The following MYH10 variants were observed in gnomAD, a reference collection of about 807,000 sequenced individuals.
MYH10 encodes myosin heavy chain 10.
A neutral mutation model predicts 257.8 loss-of-function variants in MYH10; 55 were observed. The ratio of observed to expected loss-of-function variants is 0.21; its 90% CI spans 0.17 to 0.27. MYH10 has a LOEUF of 0.27. Among genes scored for constraint, MYH10 ranks in the 10% least tolerant of loss-of-function variants. MYH10 has a pLI of 1.00. For missense variants in MYH10, 1,631 were observed against 2,500.6 expected, an observed-to-expected ratio of 0.65 and a Z score of 7.42; for synonymous variants, 854 against 921.7, an observed-to-expected ratio of 0.93 and a Z score of 1.33.
chr17:8,619,575 C>T (rs1207297477), intron 2 of MYH10, among the ~76,000 whole-genome samples: 2 of 152,002 alleles, frequency 1.3e-5, no homozygotes, highest in African/African-American at 4.8e-5. Flanking sequence ...CCAACAACAA[C>T]AAAAGACACA....
chr17:8,526,974 T>G (rs904584801), intron 17 of MYH10, among the ~76,000 whole-genome samples: 2 of 152,228 alleles, frequency 1.3e-5, no homozygotes, highest in Non-Finnish European at 2.9e-5. Context: ...ATGAAAGGTA[T>G]CCAGTGCCCA....
intron 1 of MYH10, among the ~76,000 whole-genome samples, chr17:8,626,626 T>TA (rs1032677034): frequency 2.8e-5 from 4 of 145,000 alleles, no homozygotes; most frequent in Admixed American, 6.9e-5. Context: ...ATAAAAAATT[T>TA]AAAAAAAAAG....
At position 8,518,941 on chromosome 17, in the gene MYH10, G is replaced by A. The variant is rs771755439; in HGVS notation, c.2283C>T (p.Ile761=). 4 of 1,601,642 alleles carry A rather than the reference G, an allele frequency of 2.5e-6. No homozygotes were observed. In the East Asian group the frequency reaches 6.7e-5, roughly 27 times the overall value. The change falls in exon 20 of 43, where the codon ATC becomes ATT. Residue 761 remains isoleucine, a synonymous_variant. Coordinates refer to ENST00000360416, the MANE Select transcript of MYH10 (RefSeq NM_001256012.3). The stretch of plus-strand genomic sequence containing the variant: ...CTTTAGGAATAGCATTTGGAGTTAG[G>A]ATCTCATATCTGTAAGAGAATATTC... The part of the protein sequence containing the change: ...VFQEFRQRYE[I]LTPNAIPKGF...
At chr17:8,551,998 AAG>A in intron 9 of MYH10, 46 bp downstream of exon 9, 1 of 1,080,392 alleles carries the variant, frequency 9.3e-7, no homozygotes, top group Non-Finnish European at 1.3e-6. Flanking sequence ...AAAAAATTAA[AAG>A]AGATATTCCA....
intron 4 of MYH10, among the ~76,000 whole-genome samples, chr17:8,584,744 GCTTT>G (rs1392054901): frequency 1.3e-5 from 2 of 152,240 alleles, no homozygotes; most frequent in Non-Finnish European, 2.9e-5. Flanking sequence ...ACATAAAAAG[GCTTT>G]CTTTCTCAAA....
intron 3 of MYH10, among the ~76,000 whole-genome samples, chr17:8,594,256 T>C (rs1227405641): frequency 6.6e-6 from 1 of 151,916 alleles, no homozygotes; most frequent in Non-Finnish European, 1.5e-5. Flanking sequence ...AATTGAAAAA[T>C]CAGAAAACTA....
intron 21 of MYH10, among the ~76,000 whole-genome samples, chr17:8,516,113 C>T (rs1041048925): frequency 2.6e-5 from 4 of 152,142 alleles, no homozygotes; most frequent in African/African-American, 7.2e-5. Flanking sequence ...CCGCAGTGGT[C>T]GGCTGATTTC....
chr17:8,477,680 T>C lies in MYH10; in HGVS notation c.5707-632A>G, dbSNP rs137898240. On this transcript the variant is annotated intron_variant, in intron 41 of 42. Coordinates refer to ENST00000360416, the MANE Select transcript of MYH10 (RefSeq NM_001256012.3). The surrounding 1 kb of genome is among the most constrained non-coding windows in gnomAD (Gnocchi z 4.2). The stretch of plus-strand genomic sequence containing the variant: ...GGGAAGGCCAGGTTGCCTGACTGAA[T>C]GAATGAAGTTGGGGAGGGTTCGGGC... Among the ~76,000 whole-genome samples the C allele has an allele frequency of 6.4e-4, 97 of 152,172 alleles. No homozygotes were observed. The highest frequency in any genetic ancestry group is 2.2e-3 in the African/African-American group (91 of 41,514).
At chr17:8,539,722 G>A (rs896350932) in intron 14 of MYH10, among the ~76,000 whole-genome samples, 14 of 151,836 alleles carry the variant, frequency 9.2e-5, no homozygotes, top group African/African-American at 3.4e-4. Context: ...TGAGTAGCTG[G>A]TACTACAGGC....
intron 24 of MYH10, 109 bp downstream of exon 24, chr17:8,512,342 C>T (rs918232709): frequency 1.2e-5 from 10 of 820,300 alleles, no homozygotes; most frequent in Non-Finnish European, 1.1e-5. Context: ...AACCCAGAAC[C>T]CTTTTGCTTC....
chr17:8,612,349 C>T (rs1333814373), intron 2 of MYH10, among the ~76,000 whole-genome samples: 1 of 152,032 alleles, frequency 6.6e-6, no homozygotes, highest in Non-Finnish European at 1.5e-5. Flanking sequence ...CTGCTAGGAT[C>T]TATGGGAAGA....
rs536828337 is a variant in MYH10, at chr17:8,612,484, ATT to A, written c.346-7504_346-7503del. Among the ~76,000 whole-genome samples, 276 of 152,300 alleles carry A rather than the reference ATT, an allele frequency of 1.8e-3. 4 individuals are homozygous for A. The highest frequency in any genetic ancestry group is 6.5e-3 in the African/African-American group (269 of 41,562). The stretch of plus-strand genomic sequence containing the variant: ...CACTTACATAACTTTTATTAAGTAT[ATT>A]GTTTTAATTGCTCTATTTTAATAGT... On this transcript the variant is annotated intron_variant, in intron 2 of 42. Coordinates refer to ENST00000360416, the MANE Select transcript of MYH10 (RefSeq NM_001256012.3).
chr17:8,600,698 C>T (rs564731181), intron 3 of MYH10, among the ~76,000 whole-genome samples: 2 of 152,204 alleles, frequency 1.3e-5, no homozygotes, highest in South Asian at 2.1e-4. Context: ...AAGAAAGCTG[C>T]TGAAAGTAAT....
intron 4 of MYH10, among the ~76,000 whole-genome samples, chr17:8,581,063 G>C (rs563054377): frequency 6.6e-6 from 1 of 152,226 alleles, no homozygotes; most frequent in African/African-American, 2.4e-5. Flanking sequence ...AAGCAGAAAA[G>C]AGCTTGGCAT....
chr17:8,492,596 A>G (rs562194874), intron 33 of MYH10, 87 bp from the exon 34 acceptor site: 1 of 1,365,200 alleles, frequency 7.3e-7, no homozygotes, highest in South Asian at 1.4e-5. Flanking sequence ...TTATCGCTAG[A>G]GTGCTGCCAC....
In MYH10 at chr17:8,545,031, A is replaced by G. The variant is rs899421227; in HGVS notation, c.1431+417T>C. Among the ~76,000 whole-genome samples, 3 of 151,402 alleles carry G rather than the reference A, an allele frequency of 2.0e-5. No homozygotes were observed. The highest frequency in any genetic ancestry group is 2.9e-5 in the Non-Finnish European group (2 of 67,886). ...CCCCATGCTCTTCTCCACGTCTCCA[A>G]CTCCTCTCTCCCTCTGGTCAGCTAT... On this transcript the variant is annotated intron_variant, in intron 13 of 42. Transcript: ENST00000360416. This position sits in a 1 kb window ranked among gnomAD's most constrained non-coding sequence, Gnocchi z 4.7.
At position 8,560,797 on chromosome 17, in the gene MYH10, T is replaced by A. The variant is rs1478816928; in HGVS notation, c.757-6779A>T. The A allele has an allele frequency of 4.5e-5, 27 of 594,874 alleles. No homozygotes were observed. In the East Asian group the frequency reaches 1.2e-3, roughly 26 times the overall value. The allele number at this position is 594,874 out of a possible 1,614,324, so 36.8% of individuals were successfully genotyped here. ...CAAATGCTGGCCCGACACAAATGGT[T>A]CCCAGTTTTTCACCTGTGTGGCCAA... On this transcript the variant is annotated intron_variant, in intron 7 of 42. Coordinates refer to ENST00000360416, the MANE Select transcript of MYH10 (RefSeq NM_001256012.3).
intron 3 of MYH10, among the ~76,000 whole-genome samples, chr17:8,597,236 AGATAT>A (rs1270051207): frequency 6.6e-6 from 1 of 151,960 alleles, no homozygotes; most frequent in Non-Finnish European, 1.5e-5. Flanking sequence ...TCTATCAGGA[AGATAT>A]GGGGAGGGTT....
intron 23 of MYH10, 129 bp downstream of exon 23, chr17:8,513,409 A>C (rs2081362162): frequency 2.2e-6 from 3 of 1,368,300 alleles, no homozygotes; most frequent in Admixed American, 2.8e-5. Flanking sequence ...ATGAGTGAAA[A>C]GGCCTCCCAT....
Sources: allele counts gnomAD v4.1 joint callset (sites outside exome capture counted in the v4.1 genomes callset), GRCh38; gene constraint gnomAD v4.1.1; non-coding constraint Gnocchi (gnomAD v3.1); transcripts MANE v1.5; gene names NCBI Gene and HGNC (gene_info 2026-07-23, HGNC 2026-07-21).